The following PID1 variants were observed in gnomAD, a reference collection of about 807,000 sequenced individuals.
PID1 encodes phosphotyrosine interaction domain containing 1.
Under a neutral mutation model 19.1 loss-of-function variants are expected in PID1, and 10 were observed. The observed-to-expected ratio is 0.52, with a 90% confidence interval of 0.32 to 0.89. The LOEUF is 0.89. PID1 is among the 40% of genes least tolerant of loss of function. The pLI is 0.03. For missense variants in PID1, 248 were observed against 285.3 expected (o/e 0.87, Z 0.94); for synonymous variants, 130 against 116.0 (o/e 1.12, Z -0.78).
chr2:229,081,765 G>A (rs970770549), intron 2 of PID1, among the ~76,000 whole-genome samples: 1 of 152,184 alleles, frequency 6.6e-6, no homozygotes, highest in African/African-American at 2.4e-5. Flanking sequence ...GTTAAATGCT[G>A]GACAAACAAA....
At chr2:229,150,750 C>G (rs1433913568) in intron 2 of PID1, among the ~76,000 whole-genome samples, 1 of 151,964 alleles carries the variant, frequency 6.6e-6, no homozygotes, top group Admixed American at 6.6e-5. Context: ...GGGTATTGTA[C>G]AGCATCCACA....
chr2:229,092,889 A>G (rs1392257694), intron 2 of PID1, among the ~76,000 whole-genome samples: 4 of 152,158 alleles, frequency 2.6e-5, no homozygotes, highest in Admixed American at 2.6e-4. Flanking sequence ...AAGTCTACAA[A>G]TCATGTTTAA....
intron 2 of PID1, among the ~76,000 whole-genome samples, chr2:229,107,832 C>T (rs942916637): frequency 1.3e-5 from 2 of 152,188 alleles, no homozygotes; most frequent in African/African-American, 4.8e-5. Context: ...AAATGCAGGG[C>T]CCTTGCCAGA....
At chr2:229,246,978 C>G (rs1476490018) in intron 1 of PID1, among the ~76,000 whole-genome samples, 1 of 152,078 alleles carries the variant, frequency 6.6e-6, no homozygotes, top group Non-Finnish European at 1.5e-5. Context: ...CCCACCAACT[C>G]AAGTACAGAA....
intron 2 of PID1, among the ~76,000 whole-genome samples, chr2:229,133,269 A>G (rs77860507): frequency 2.8e-3 from 434 of 152,388 alleles, no homozygotes; most frequent in Middle Eastern, 0.014. Flanking sequence ...GATGTGCAAG[A>G]TCAATAAAGG....
At chr2:229,174,980 G>A (rs925004836) in intron 1 of PID1, among the ~76,000 whole-genome samples, 2 of 152,148 alleles carry the variant, frequency 1.3e-5, no homozygotes, top group Non-Finnish European at 2.9e-5. Context: ...CATGCTGTGA[G>A]GAAGCTCAAA....
At chr2:229,240,640 T>G (rs1206019668) in intron 1 of PID1, among the ~76,000 whole-genome samples, 2 of 152,166 alleles carry the variant, frequency 1.3e-5, no homozygotes, top group African/African-American at 4.8e-5. Flanking sequence ...ATTACCTCAT[T>G]GCTTTGACTT....
At chr2:229,086,613 C>T (rs141357665) in intron 2 of PID1, among the ~76,000 whole-genome samples, 156 of 152,202 alleles carry the variant, frequency 1.0e-3, no homozygotes, top group African/African-American at 3.6e-3. Flanking sequence ...TGCATCCAAA[C>T]ATTAGGCGGC....
intron 2 of PID1, among the ~76,000 whole-genome samples, chr2:229,103,962 A>G (rs1441551016): frequency 6.6e-6 from 1 of 152,238 alleles, no homozygotes; most frequent in South Asian, 2.1e-4. Flanking sequence ...GGATCATCAA[A>G]GAAAACAAGA....
chr2:229,098,608 A>G (rs546197184), intron 2 of PID1, among the ~76,000 whole-genome samples: 1 of 152,242 alleles, frequency 6.6e-6, no homozygotes, highest in African/African-American at 2.4e-5. Context: ...AATTAGGATA[A>G]CATTTCATCC....
intron 2 of PID1, among the ~76,000 whole-genome samples, chr2:229,070,001 G>A (rs1411314651): frequency 6.6e-6 from 1 of 152,176 alleles, no homozygotes; most frequent in Non-Finnish European, 1.5e-5. Flanking sequence ...TTTACTTTTA[G>A]AAGCATTTAT....
chr2:229,030,265 G>A (rs1162329335), intron 2 of PID1, among the ~76,000 whole-genome samples: 2 of 152,146 alleles, frequency 1.3e-5, no homozygotes, highest in African/African-American at 4.8e-5. Context: ...GGGGAGGGAC[G>A]AATGAGGAGT....
chr2:229,025,616 A>G lies in PID1; in HGVS notation c.*16T>C. The G allele has an allele frequency of 1.9e-6, 3 of 1,576,044 alleles. No individual in the cohort carries two copies. Among genetic ancestry groups the G allele is most frequent in the Non-Finnish European group, 2.6e-6 (3 of 1,148,130 alleles). On this transcript the variant is annotated 3_prime_UTR_variant, in exon 3 of 3. Coordinates refer to ENST00000392055, the MANE Select transcript of PID1 (RefSeq NM_001100818.2). ...CCGTGACCAATGCTGCCTTTGCTGA[A>G]GCGTCTCAAGTTCATTCAGCCATCA...
rs143832856 is a variant in PID1, at chr2:229,091,729, T to C, written c.177+64089A>G. 3.7e-4 allele frequency among the ~76,000 whole-genome samples: 57 copies of C among 152,356 alleles called. No individual in the cohort carries two copies. In the East Asian group the frequency reaches 8.9e-3, roughly 24 times the overall value. On this transcript the variant is annotated intron_variant, in intron 2 of 2. Transcript: ENST00000392055. ...CTACCCAGGCTAAGGTATTTTGTAA[T>C]AGTAACCTGAATGAACTGAGGCACT...
intron 2 of PID1, among the ~76,000 whole-genome samples, chr2:229,066,026 C>T (rs1694318650): frequency 6.6e-6 from 1 of 152,144 alleles, no homozygotes; most frequent in African/African-American, 2.4e-5. Context: ...AACCTTTCTA[C>T]TTCTAACACA....
At chr2:229,188,172 A>G (rs1260161312) in intron 1 of PID1, among the ~76,000 whole-genome samples, 1 of 152,098 alleles carries the variant, frequency 6.6e-6, no homozygotes, top group African/African-American at 2.4e-5. Flanking sequence ...TCTTTAAAAC[A>G]GGGGCATTAA....
At chr2:229,115,967 T>C (rs1380254401) in intron 2 of PID1, among the ~76,000 whole-genome samples, 1 of 152,012 alleles carries the variant, frequency 6.6e-6, no homozygotes, top group Non-Finnish European at 1.5e-5. Context: ...ATTCAGAAGA[T>C]CCCAGCACTT....
chr2:229,192,317 A>G (rs1407326583), intron 1 of PID1, among the ~76,000 whole-genome samples: 1 of 152,134 alleles, frequency 6.6e-6, no homozygotes, highest in Admixed American at 6.5e-5. Context: ...ACTTTCTAGT[A>G]TGACTTCCTT....
chr2:229,128,140 A>T (rs202214875), intron 2 of PID1, among the ~76,000 whole-genome samples: 1 of 151,998 alleles, frequency 6.6e-6, no homozygotes, highest in Non-Finnish European at 1.5e-5. Context: ...ATGGATTGGG[A>T]TTTTGTACCA....
Sources: gnomAD v4.1 joint callset for allele counts (sites outside exome capture counted in the v4.1 genomes callset) on GRCh38, gnomAD v4.1.1 for gene constraint, MANE v1.5 for transcripts, NCBI Gene and HGNC (gene_info 2026-07-23, HGNC 2026-07-21) for gene names.